The following MAP4K5 variants were observed in gnomAD, a reference collection of about 807,000 sequenced individuals.
The protein encoded by MAP4K5 is MAPK/ERK kinase kinase kinase 5.
MAP4K5 carries 82 observed loss-of-function variants against 135.6 expected under a neutral mutation model. The observed-to-expected ratio is 0.60, with a 90% CI of 0.51 to 0.73. The LOEUF (loss-of-function observed/expected upper bound fraction) is 0.73, where lower values mean the gene tolerates loss of function less well. MAP4K5 is among the 30% of genes least tolerant of loss of function. The probability of loss-of-function intolerance (pLI) is 0.00; values close to 1 mark genes in which losing one functional copy is unlikely to be tolerated. For synonymous variants in MAP4K5, 347 were observed against 335.0 expected (o/e 1.04, Z -0.39); for missense variants, 907 against 1,010.9 (o/e 0.90, Z 1.39).
intron 21 of MAP4K5, among the ~76,000 whole-genome samples, chr14:50,442,446 T>C (rs1212601505): frequency 2.6e-5 from 4 of 152,142 alleles, no homozygotes; most frequent in Non-Finnish European, 4.4e-5. Context: ...AGATTATAAA[T>C]TGTCCCAATA....
rs538233371 is a variant in MAP4K5, at chr14:50,545,261, T to C, written c.-179-2677A>G. ...GGAGCGCCCTGTATGTAAGTCCTAA[T>C]AAACTCATCTACTTGCCAATCTGAA... On this transcript the variant is annotated intron_variant, in intron 1 of 8. Transcript: ENST00000555216. Among the ~76,000 whole-genome samples, 319 of 152,214 alleles carry C rather than the reference T, an allele frequency of 2.1e-3. 1 individual carries two copies. Among genetic ancestry groups the C allele is most frequent in the Non-Finnish European group, 3.2e-3 (216 of 68,044 alleles).
intron 6 of MAP4K5, among the ~76,000 whole-genome samples, chr14:50,477,596 G>A (rs1221196043): frequency 6.6e-6 from 1 of 152,172 alleles, no homozygotes; most frequent in Non-Finnish European, 1.5e-5. Flanking sequence ...TTAAGTATGA[G>A]TTAGTCATAG....
chr14:50,458,014 GCAGAACAC>G (rs2036628276), intron 13 of MAP4K5, among the ~76,000 whole-genome samples: 1 of 152,124 alleles, frequency 6.6e-6, no homozygotes, highest in Non-Finnish European at 1.5e-5. Flanking sequence ...AAATTACACA[GCAGAACAC>G]ACTGAAAATT....
In MAP4K5 at chr14:50,425,789, A is replaced by C. The variant is rs150552569; in HGVS notation, c.2397+118T>G. ...ACTGGCTTTTTTGTTCTACCAGTTC[A>C]TAGTATTAAAAGCACTAAACACAGT... On this transcript the variant is annotated intron_variant, in intron 31 of 32. Coordinates refer to ENST00000682126, the MANE Select transcript of MAP4K5 (RefSeq NM_006575.6). 7.0e-6 allele frequency: 4 copies of C among 574,864 alleles called. No individual in the cohort carries two copies. The African/African-American group carries it at 7.4e-5, about 11-fold the overall frequency. 35.6% of individuals were successfully genotyped at this position (574,864 alleles called of 1,614,324 possible).
At chr14:50,535,495 C>T (rs985570134), upstream of MAP4K5, among the ~76,000 whole-genome samples, 9 of 152,218 alleles carry the variant, frequency 5.9e-5, no homozygotes, top group Non-Finnish European at 1.2e-4. Context: ...GTTGACTGCT[C>T]TATAGATCTG....
chr14:50,554,563 G>T (rs8014445), intron 1 of MAP4K5, among the ~76,000 whole-genome samples: 135,967 of 152,220 alleles, frequency 0.89, 62,329 homozygotes, highest in Non-Finnish European at 0.99. Flanking sequence ...TGGGGAAGGC[G>T]GGGCAGTGAG....
chr14:50,485,594 A>C lies in MAP4K5; in HGVS notation c.306T>G (p.Leu102=). The change falls in exon 5 of 33, where the codon CTT becomes CTG. Residue 102 remains leucine, a synonymous_variant. Coordinates refer to ENST00000682126, the MANE Select transcript of MAP4K5 (RefSeq NM_006575.6). ...ICMEYCGGGS[L]QDIYHVTGPL... ...TAACAGTACCATGGTAAATATCTTG[A>C]AGTGATCCGCCACCACAGTATTCCA... is the stretch of plus-strand genomic sequence containing the variant. 6.4e-7 allele frequency: 1 copy of C among 1,551,050 alleles called. No individual in the cohort carries two copies. Among genetic ancestry groups the C allele is most frequent in the South Asian group, 1.2e-5 (1 of 83,756 alleles).
In MAP4K5 at chr14:50,468,711, C is replaced by G. The variant is rs1411839304; in HGVS notation, c.614G>C (p.Gly205Ala). ...YNQLCDIWAV[G>A]ITAIELGELQ... Reference sequence around the variant, plus strand: ...TTCTCCAAGTTCAATTGCTGTTATTCCTACTGCCCAGATATCACAGAGTTG... The same window carrying G: ...TTCTCCAAGTTCAATTGCTGTTATTGCTACTGCCCAGATATCACAGAGTTG... Residue 205 changes from glycine (G) to alanine (A), a missense_variant, in exon 10 of 33, where the codon GGA (glycine) becomes GCA (alanine). Gly to Ala is a moderately conservative substitution (Grantham distance 60, BLOSUM62 0). Coordinates refer to ENST00000682126, the MANE Select transcript of MAP4K5 (RefSeq NM_006575.6). The G allele has an allele frequency of 6.2e-7, 1 of 1,612,992 alleles. No individual in the cohort carries two copies. The highest frequency in any genetic ancestry group is 1.3e-5 in the African/African-American group (1 of 74,920).
chr14:50,478,385 A>G (rs762441252), intron 6 of MAP4K5, among the ~76,000 whole-genome samples: 20 of 150,456 alleles, frequency 1.3e-4, no homozygotes, highest in Non-Finnish European at 1.6e-4. Flanking sequence ...CTCTATTACT[A>G]TTTTTTTTCC....
chr14:50,560,455 G>T (rs934477192), intron 1 of MAP4K5: 3 of 1,015,710 alleles, frequency 3.0e-6, no homozygotes, highest in African/African-American at 1.6e-5. Flanking sequence ...TTGGGCGGAG[G>T]AACCATGGCC....
At chr14:50,535,202 C>T (rs1310249716), upstream of MAP4K5, among the ~76,000 whole-genome samples, 2 of 152,176 alleles carry the variant, frequency 1.3e-5, no homozygotes, top group Non-Finnish European at 2.9e-5. Flanking sequence ...GAAAGTTCTT[C>T]AGTAAAATGC....
At chr14:50,526,310 C>CT (rs1159717574) in intron 2 of MAP4K5, among the ~76,000 whole-genome samples, 5 of 151,822 alleles carry the variant, frequency 3.3e-5, no homozygotes, top group Non-Finnish European at 1.5e-5. Context: ...TTTCTTTTTT[C>CT]TTTTTTGAGA....
In MAP4K5 at chr14:50,418,535, C is replaced by G. The variant is rs556780358; in HGVS notation, c.*1484G>C. ...ATAACTTTATATTCCATTTGTATAA[C>G]ATTTTATTGTTTGCGTATTGCATAG... is the stretch of plus-strand genomic sequence containing the variant. On this transcript the variant is annotated 3_prime_UTR_variant, in exon 33 of 33. Transcript: ENST00000682126. 6.5e-6 allele frequency: 1 copy of G among 152,718 alleles called. No homozygotes were observed. Among genetic ancestry groups the G allele is most frequent in the South Asian group, 2.1e-4 (1 of 4,822 alleles). 9.5% of individuals were successfully genotyped at this position (152,718 alleles called of 1,614,324 possible). A position where few individuals can be genotyped will look rare whatever the true frequency, so the allele number is the denominator to read the frequency against.
At position 50,552,266 on chromosome 14, in the gene MAP4K5, CA is replaced by C. The variant is rs35523342; in HGVS notation, c.-180+8773del. ...TACTCAATCCCTTTTACAACAGCTGCAAAAAAAAATTAATTAAATAAAATAC... is the reference window on the plus strand; with the variant it reads ...TACTCAATCCCTTTTACAACAGCTGCAAAAAAAATTAATTAAATAAAATAC... On this transcript the variant is annotated intron_variant, in intron 1 of 8. Coordinates refer to the MAP4K5 transcript ENST00000555216. Among the ~76,000 whole-genome samples the C allele has an allele frequency of 1.7e-4, 25 of 150,418 alleles. 1 individual carries two copies. The highest frequency in any genetic ancestry group is 5.6e-4 in the African/African-American group (23 of 40,924).
At chr14:50,430,591 T>A (rs1232995410) in intron 28 of MAP4K5, among the ~76,000 whole-genome samples, 5 of 152,192 alleles carry the variant, frequency 3.3e-5, no homozygotes, top group African/African-American at 1.2e-4. Context: ...GTGCCTTCAA[T>A]ACAGGCACCA....
chr14:50,529,841 C>T (rs538854961), intron 2 of MAP4K5, among the ~76,000 whole-genome samples: 1 of 152,132 alleles, frequency 6.6e-6, no homozygotes, highest in African/African-American at 2.4e-5. Context: ...GTTTAAGGAG[C>T]AGCAAGCAGG....
intron 1 of MAP4K5, among the ~76,000 whole-genome samples, chr14:50,556,798 A>G (rs2038770714): frequency 6.6e-6 from 1 of 152,188 alleles, no homozygotes; most frequent in South Asian, 2.1e-4. Context: ...TTCAAGGTCC[A>G]TCCATGTTGT....
intron 1 of MAP4K5, among the ~76,000 whole-genome samples, chr14:50,545,939 A>G (rs1336256745): frequency 6.6e-6 from 1 of 152,180 alleles, no homozygotes; most frequent in Non-Finnish European, 1.5e-5. Flanking sequence ...AGTTCATCAG[A>G]TCTTCTGAAG....
chr14:50,489,966 T>TC (rs1410736157), intron 3 of MAP4K5, among the ~76,000 whole-genome samples: 1 of 152,098 alleles, frequency 6.6e-6, no homozygotes, highest in Non-Finnish European at 1.5e-5. Flanking sequence ...TTGTTTTTTT[T>TC]CTCCTCCTTT....
Sources: allele counts gnomAD v4.1 joint callset (sites outside exome capture counted in the v4.1 genomes callset), GRCh38; gene constraint gnomAD v4.1.1; transcripts MANE v1.5; gene names NCBI Gene and HGNC (gene_info 2026-07-23, HGNC 2026-07-21).